Variants in MYO1F observed in about 807,000 individuals in gnomAD.
The protein encoded by MYO1F is unconventional myosin-If.
In MYO1F, 60 loss-of-function variants were observed where a neutral mutation model predicts 146.6. That is an observed-to-expected ratio of 0.41 (90% confidence interval 0.33 to 0.51). MYO1F has a LOEUF of 0.51. Among genes scored for constraint, MYO1F ranks in the 20% least tolerant of loss-of-function variants. The pLI is 0.25. For missense variants in MYO1F, 1,274 were observed against 1,534.3 expected (o/e 0.83, Z 2.83); for synonymous variants, 602 against 602.1 (o/e 1.00, Z 0.00).
chr19:8,556,475 C>G (rs1223239089), intron 1 of MYO1F, among the ~76,000 whole-genome samples: 1 of 131,214 alleles, frequency 7.6e-6, no homozygotes, highest in Non-Finnish European at 1.5e-5. Flanking sequence ...GGCCCCGTCT[C>G]TATAAAAAAA....
chr19:8,547,964 A>T, intron 12 of MYO1F, 72 bp downstream of exon 12: 1 of 1,450,950 alleles, frequency 6.9e-7, no homozygotes, highest in Non-Finnish European at 9.6e-7. Flanking sequence ...CCTAGTTGCT[A>T]AGGGATCCTC....
intron 1 of MYO1F, 47 bp from the exon 2 acceptor site, chr19:8,555,843 G>A (rs760201119): frequency 8.3e-6 from 13 of 1,573,356 alleles, no homozygotes; most frequent in African/African-American, 8.1e-5. Flanking sequence ...ACGGGGATGC[G>A]GCACCTGGCT....
intron 24 of MYO1F, 27 bp downstream of exon 24, chr19:8,526,426 C>A (rs1369851055): frequency 6.5e-7 from 1 of 1,550,068 alleles, no homozygotes. Flanking sequence ...GCCCCGCCCC[C>A]TCTGCCCTAG....
chr19:8,555,599 C>T (rs772227462), intron 2 of MYO1F, 60 bp downstream of exon 2: 6 of 1,611,210 alleles, frequency 3.7e-6, no homozygotes, highest in Non-Finnish European at 5.1e-6. Context: ...TCCTCTCCGT[C>T]CATGGCCCAG....
chr19:8,575,047 C>T (rs2146002557), intron 1 of MYO1F, among the ~76,000 whole-genome samples: 1 of 151,578 alleles, frequency 6.6e-6, no homozygotes, highest in African/African-American at 2.4e-5. Flanking sequence ...TGAGCCACTG[C>T]ACCCTGCCAA....
In MYO1F at chr19:8,577,250, C is replaced by T. The variant is rs374544250; in HGVS notation, c.3+57G>A. 32 of 1,603,828 alleles carry T rather than the reference C, an allele frequency of 2.0e-5. No homozygotes were observed. The highest frequency in any genetic ancestry group is 2.7e-5 in the Non-Finnish European group (32 of 1,173,206). ...CTGATGGTCATTTTTAGGACACCTCCACCTGGCTGGTGTCCCTCCTCTTTC... is the reference window on the plus strand; with the variant it reads ...CTGATGGTCATTTTTAGGACACCTCTACCTGGCTGGTGTCCCTCCTCTTTC... On this transcript the variant is annotated intron_variant, in intron 1 of 27. Transcript: ENST00000644032. The surrounding 1 kb of genome is among the most constrained non-coding windows in gnomAD (Gnocchi z 4.3).
intron 17 of MYO1F, 172 bp from the exon 18 acceptor site, chr19:8,536,769 G>C: frequency 2.6e-6 from 1 of 385,688 alleles, no homozygotes. Flanking sequence ...TGGGGACTGG[G>C]GGGAGGGATC....
rs1407796399 is a variant in MYO1F at position 8,563,239 on chromosome 19, C to T, written c.4-7443G>A. Among the ~76,000 whole-genome samples the T allele has an allele frequency of 6.6e-5, 10 of 150,860 alleles. No homozygotes were observed. In the East Asian group the frequency reaches 7.9e-4, roughly 12 times the overall value. ...AACTCCTGACCTCAGGTGATCCACC[C>T]GCCTCGGCCTCCCAAAATGCTGGGA... is the stretch of plus-strand genomic sequence containing the variant. On this transcript the variant is annotated intron_variant, in intron 1 of 27. Coordinates refer to ENST00000644032, the MANE Select transcript of MYO1F (RefSeq NM_012335.4).
chr19:8,526,740 G>A (rs1372959256), intron 23 of MYO1F, 49 bp downstream of exon 23: 1 of 1,554,526 alleles, frequency 6.4e-7, no homozygotes, highest in East Asian at 2.4e-5. Flanking sequence ...GAGAGGGTGC[G>A]CCGCGCCGAG....
At chr19:8,524,416 CAAAAAAAA>C (rs777339567) in intron 25 of MYO1F, among the ~76,000 whole-genome samples, 1 of 83,494 alleles carries the variant, frequency 1.2e-5, no homozygotes, top group Admixed American at 1.4e-4. Context: ...GACTCTGTCT[CAAAAAAAA>C]AAAAAAAAAA....
Position 8,536,820 on chromosome 19 carries a change from G to C in MYO1F, c.1799+129C>G, listed in dbSNP as rs1350813940. Reference sequence around the variant, plus strand: ...CTTCTGGGGTCAGTTCTGCAGGTGGGGGATTGTGGGAGGGGCTGTGCTAGT... The same window carrying C: ...CTTCTGGGGTCAGTTCTGCAGGTGGCGGATTGTGGGAGGGGCTGTGCTAGT... On this transcript the variant is annotated intron_variant, in intron 17 of 27. Transcript: ENST00000644032. The C allele has an allele frequency of 3.4e-5, 23 of 682,314 alleles. 1 individual carries two copies. The highest frequency in any genetic ancestry group is 2.1e-4 in the Admixed American group (9 of 42,954). 42.3% of individuals were successfully genotyped at this position (682,314 alleles called of 1,614,324 possible).
At chr19:8,548,775 T>C (rs1973481717) in intron 10 of MYO1F, among the ~76,000 whole-genome samples, 1 of 149,442 alleles carries the variant, frequency 6.7e-6, no homozygotes, top group African/African-American at 2.5e-5. Flanking sequence ...TAATTTTTTG[T>C]ATTTTTAGTA....
In MYO1F at chr19:8,522,497, G is replaced by A; in HGVS notation, c.3100C>T (p.Arg1034Ter). 1 of 1,613,662 alleles carries A rather than the reference G, an allele frequency of 6.2e-7. No homozygotes were observed. The highest frequency in any genetic ancestry group is 1.1e-5 in the South Asian group (1 of 91,032). Residue 1034 changes from arginine (R) to a stop codon, truncating the protein, a stop_gained, in exon 27 of 28, where the codon CGA (arginine) becomes TGA (stop). Coordinates refer to ENST00000644032, the MANE Select transcript of MYO1F (RefSeq NM_012335.4). LOFTEE classifies it high-confidence loss of function. ...VGQRPVPGVG[R>*]PKPQPRTHGP... ...TGTGTCCGAGGCTGGGGCTTGGGTC[G>A]GCCCACACCAGGCACTGGCCGTTGC...
At chr19:8,541,106 C>G (rs1253729901) in intron 15 of MYO1F, among the ~76,000 whole-genome samples, 1 of 152,042 alleles carries the variant, frequency 6.6e-6, no homozygotes, top group Non-Finnish European at 1.5e-5. Flanking sequence ...ATCTCAGCCT[C>G]CCGAGTAGCT....
In MYO1F at chr19:8,554,604, TG is replaced by T. The variant is rs753721846; in HGVS notation, c.232-34del. On this transcript the variant is annotated intron_variant, in intron 3 of 27. Coordinates refer to ENST00000644032, the MANE Select transcript of MYO1F (RefSeq NM_012335.4). ...GGGAGGTCAGGTCTCAGCCCAGGGC[TG>T]GGGGCCAGGAGTCTGGGGGCTGTGC... 5.0e-5 allele frequency: 80 copies of T among 1,611,940 alleles called. No individual in the cohort carries two copies. In the African/African-American group the frequency reaches 1.0e-3, roughly 21 times the overall value.
intron 19 of MYO1F, among the ~76,000 whole-genome samples, chr19:8,533,979 G>C (rs1018771096): frequency 6.6e-6 from 1 of 152,046 alleles, no homozygotes; most frequent in African/African-American, 2.4e-5. Flanking sequence ...GAGGTCAGGA[G>C]ACCAGCCTGG....
rs574514704 is a variant in MYO1F, at chr19:8,577,275, C to G, written c.3+32G>C. The stretch of plus-strand genomic sequence containing the variant: ...CACCTGGCTGGTGTCCCTCCTCTTT[C>G]TTCTTCCAGATCCCACCCTTGAAGG... On this transcript the variant is annotated intron_variant, in intron 1 of 27. Transcript: ENST00000644032. This position sits in a 1 kb window ranked among gnomAD's most constrained non-coding sequence, Gnocchi z 4.3. 320 of 1,613,176 alleles carry G rather than the reference C, an allele frequency of 2.0e-4. 1 individual carries two copies. The highest frequency in any genetic ancestry group is 2.5e-4 in the Non-Finnish European group (297 of 1,179,508).
chr19:8,558,416 T>C (rs138451900), intron 1 of MYO1F, among the ~76,000 whole-genome samples: 2,621 of 152,126 alleles, frequency 0.017, 26 homozygotes, highest in Middle Eastern at 0.048. Flanking sequence ...TCCTCCCACC[T>C]CAGCCTCCCA....
chr19:8,541,419 G>GTTTTTTTTTTT (rs1200496185), intron 15 of MYO1F, among the ~76,000 whole-genome samples: 11 of 133,920 alleles, frequency 8.2e-5, no homozygotes, highest in African/African-American at 2.3e-4. Flanking sequence ...GTGTGTGTGT[G>GTTTTTTTTTTT]TGTGTGTTTT....
Sources: allele counts gnomAD v4.1 joint callset (sites outside exome capture counted in the v4.1 genomes callset), GRCh38; gene constraint gnomAD v4.1.1; non-coding constraint Gnocchi (gnomAD v3.1); transcripts MANE v1.5; gene names NCBI Gene and HGNC (gene_info 2026-07-23, HGNC 2026-07-21).